Variants in PCDHGB1 observed in about 807,000 individuals in gnomAD.
PCDHGB1 encodes protocadherin gamma subfamily B, 1.
In PCDHGB1, 34 loss-of-function variants were observed where a neutral mutation model predicts 56.6. That is an observed-to-expected ratio of 0.60 (90% CI 0.46 to 0.80). PCDHGB1 has a LOEUF of 0.80. PCDHGB1 is among the 30% of genes least tolerant of loss of function. The pLI is 0.00. For missense variants in PCDHGB1, 1,278 were observed against 1,204.6 expected (o/e 1.06, Z -0.90); for synonymous variants, 561 against 505.9 (o/e 1.11, Z -1.46).
intron 1 of PCDHGB1, chr5:141,371,361 GAT>G: frequency 3.1e-6 from 5 of 1,613,976 alleles, no homozygotes; most frequent in Non-Finnish European, 4.2e-6. Flanking sequence ...GGAAGCAAAG[GAT>G]GGTGGACATC....
chr5:141,376,245 A>T (rs554556778), intron 1 of PCDHGB1: 4 of 1,614,180 alleles, frequency 2.5e-6, no homozygotes, highest in African/African-American at 1.3e-5. Context: ...CGCTGGCACA[A>T]GTCACGCCTG....
intron 1 of PCDHGB1, chr5:141,357,432 C>A (rs1217622560): frequency 3.7e-6 from 6 of 1,614,212 alleles, no homozygotes; most frequent in Non-Finnish European, 5.1e-6. Flanking sequence ...TGGGCGTGGA[C>A]GGGGTTCGGG....
chr5:141,399,988 G>C, intron 1 of PCDHGB1: 1 of 1,612,442 alleles, frequency 6.2e-7, no homozygotes, highest in Non-Finnish European at 8.5e-7. Context: ...GCGCACAGGA[G>C]AGGTGCGCAC....
intron 1 of PCDHGB1, chr5:141,384,186 T>A: frequency 6.2e-7 from 1 of 1,613,730 alleles, no homozygotes; most frequent in Non-Finnish European, 8.5e-7. Flanking sequence ...ATGGTGGAAC[T>A]CCTCCCTTGT....
chr5:141,399,419 G>A, intron 1 of PCDHGB1: 1 of 1,614,000 alleles, frequency 6.2e-7, no homozygotes, highest in East Asian at 2.2e-5. Flanking sequence ...CTCTCCTCCA[G>A]CATAAGCGTC....
At chr5:141,379,976 T>C (rs1459223613) in intron 1 of PCDHGB1, among the ~76,000 whole-genome samples, 1 of 140,200 alleles carries the variant, frequency 7.1e-6, no homozygotes, top group Admixed American at 8.2e-5. Flanking sequence ...CTCTGCTCAC[T>C]GCAACTTCCT....
intron 1 of PCDHGB1, chr5:141,389,423 C>A (rs779826135): frequency 1.9e-6 from 3 of 1,613,398 alleles, no homozygotes; most frequent in Non-Finnish European, 8.5e-7. Context: ...GGGTGGTGTT[C>A]GCGCAGCGCG....
intron 1 of PCDHGB1, among the ~76,000 whole-genome samples, chr5:141,472,267 C>T (rs547832378): frequency 6.6e-5 from 10 of 152,216 alleles, no homozygotes; most frequent in African/African-American, 2.4e-4. Context: ...TATAGCCGGG[C>T]ACAGTGGCTC....
intron 1 of PCDHGB1, chr5:141,421,458 T>C (rs2096575080): frequency 6.2e-7 from 1 of 1,614,122 alleles, no homozygotes; most frequent in Non-Finnish European, 8.5e-7. Flanking sequence ...AGCTTTTCGC[T>C]GTGAATCCGC....
rs1299162270 is a variant in PCDHGB1 at position 141,413,906 on chromosome 5, C to T, written c.2409+61237C>T. ...GTCTTCGATGCAAATGACAACGCGC[C>T]GGTCTTCACCTTGCCAGAATACCGA... On this transcript the variant is annotated intron_variant, in intron 1 of 3. Transcript: ENST00000523390. The T allele has an allele frequency of 1.9e-6, 3 of 1,613,190 alleles. No homozygotes were observed. The highest frequency in any genetic ancestry group is 1.7e-6 in the Non-Finnish European group (2 of 1,179,870).
At chr5:141,407,222 C>CA (rs895046980) in intron 1 of PCDHGB1, among the ~76,000 whole-genome samples, 4 of 151,730 alleles carry the variant, frequency 2.6e-5, no homozygotes, top group African/African-American at 7.2e-5. Flanking sequence ...AAGTGGGTAG[C>CA]AAAAAAAATA....
intron 1 of PCDHGB1, chr5:141,478,346 G>A: frequency 6.2e-7 from 1 of 1,613,794 alleles, no homozygotes; most frequent in African/African-American, 1.3e-5. Context: ...CTCCTTGCAC[G>A]CGGACGCCGT....
intron 1 of PCDHGB1, chr5:141,374,167 A>G (rs1320540619): frequency 1.9e-6 from 3 of 1,613,124 alleles, no homozygotes; most frequent in Non-Finnish European, 2.5e-6. Flanking sequence ...GGGCCGCGGC[A>G]GCGCAGATCC....
In PCDHGB1 at chr5:141,489,412, G is replaced by C; in HGVS notation, c.2410-5395G>C. On this transcript the variant is annotated intron_variant, in intron 1 of 3. Coordinates refer to ENST00000523390, the MANE Select transcript of PCDHGB1 (RefSeq NM_018922.3). The surrounding 1 kb of genome is among the most constrained non-coding windows in gnomAD (Gnocchi z 4.5). ...TCAGGATCTGGGCTTAAAGATGACAGATCTGTTGAGCCGGCGGCTGCAATT... is the reference window on the plus strand; with the variant it reads ...TCAGGATCTGGGCTTAAAGATGACACATCTGTTGAGCCGGCGGCTGCAATT... The C allele has an allele frequency of 6.2e-7, 1 of 1,614,172 alleles. No individual in the cohort carries two copies. Among genetic ancestry groups the C allele is most frequent in the Non-Finnish European group, 8.5e-7 (1 of 1,180,040 alleles).
At position 141,390,009 on chromosome 5, in the gene PCDHGB1, A is replaced by G. The variant is rs200734314; in HGVS notation, c.2409+37340A>G. The G allele has an allele frequency of 4.0e-3, 6,510 of 1,613,890 alleles. 27 individuals carry two copies. Among genetic ancestry groups the G allele is most frequent in the Non-Finnish European group, 4.8e-3 (5,639 of 1,179,872 alleles). ...CTTCCTCGTGGCCATGATTCTGGCCATTGCCTTGCGCCTGCGACGCTCCTC... is the reference window on the plus strand; with the variant it reads ...CTTCCTCGTGGCCATGATTCTGGCCGTTGCCTTGCGCCTGCGACGCTCCTC... On this transcript the variant is annotated intron_variant, in intron 1 of 3. Coordinates refer to ENST00000523390, the MANE Select transcript of PCDHGB1 (RefSeq NM_018922.3).
intron 1 of PCDHGB1, chr5:141,388,424 GA>G: frequency 6.2e-7 from 1 of 1,613,812 alleles, no homozygotes; most frequent in African/African-American, 1.3e-5. Flanking sequence ...ATTTCTCACT[GA>G]TAAATAAAGA....
intron 1 of PCDHGB1, chr5:141,418,778 T>C (rs1256260275): frequency 6.2e-7 from 1 of 1,613,744 alleles, no homozygotes; most frequent in Non-Finnish European, 8.5e-7. Context: ...TCAGCAGCCT[T>C]TGGATTTTGA....
Position 141,486,058 on chromosome 5 carries a change from G to A in PCDHGB1, c.2410-8749G>A. On this transcript the variant is annotated intron_variant, in intron 1 of 3. Transcript: ENST00000523390. The surrounding 1 kb of genome is among the most constrained non-coding windows in gnomAD (Gnocchi z 5.0). The stretch of plus-strand genomic sequence containing the variant: ...ATCGTGTAAGAAACCTCTTTAGCCT[G>A]CACCCCACTACTGGAAAGCTTACTC... The A allele has an allele frequency of 6.2e-7, 1 of 1,614,122 alleles. No homozygotes were observed. The highest frequency in any genetic ancestry group is 8.5e-7 in the Non-Finnish European group (1 of 1,180,012).
At chr5:141,355,221 C>T (rs756437082) in intron 1 of PCDHGB1, 18 of 1,608,638 alleles carry the variant, frequency 1.1e-5, no homozygotes, top group African/African-American at 4.0e-5. Context: ...CTCCTGCTCG[C>T]CCAGACCACA....
Sources: gnomAD v4.1 joint callset for allele counts (sites outside exome capture counted in the v4.1 genomes callset) on GRCh38, gnomAD v4.1.1 for gene constraint, Gnocchi (gnomAD v3.1) non-coding constraint, MANE v1.5 for transcripts, NCBI Gene and HGNC (gene_info 2026-07-23, HGNC 2026-07-21) for gene names.